The following COL27A1 variants were observed in gnomAD, a reference collection of about 807,000 sequenced individuals.
COL27A1 encodes the protein collagen type XXVII alpha 1 chain.
A neutral mutation model predicts 251.3 loss-of-function variants in COL27A1; 106 were observed. The observed-to-expected ratio is 0.42, with a 90% CI of 0.36 to 0.50. The LOEUF is 0.50. COL27A1 is among the 20% of genes least tolerant of loss of function. The pLI is 0.00. For synonymous variants in COL27A1, 1,000 were observed against 986.3 expected, an observed-to-expected ratio of 1.01 and a Z score of -0.26; for missense variants, 2,325 against 2,522.8, an observed-to-expected ratio of 0.92 and a Z score of 1.68.
chr9:114,301,122 C>T lies in COL27A1; in HGVS notation c.4752C>T (p.Leu1584=), dbSNP rs182652506. ...GPLGILGPSG[L]PGPKGDKGSR... is the part of the protein sequence containing the mutation. ...TCGGAATCCTGGGACCTTCGGGACT[C>T]CCGGTATGTGTGGGGATTGGACAGG... The change falls in exon 52 of 61, where the codon CTC becomes CTT. Residue 1584 remains leucine (L), a synonymous_variant. Coordinates refer to ENST00000356083, the MANE Select transcript of COL27A1 (RefSeq NM_032888.4). The T allele has an allele frequency of 6.2e-7, 1 of 1,613,688 alleles. No homozygotes were observed. The highest frequency in any genetic ancestry group is 1.7e-5 in the Admixed American group (1 of 59,972).
intron 40 of COL27A1, among the ~76,000 whole-genome samples, chr9:114,283,987 G>T (rs2131597457): frequency 6.6e-6 from 1 of 152,334 alleles, no homozygotes; most frequent in East Asian, 1.9e-4. Flanking sequence ...AGCGAAATGT[G>T]CCACCCCAAG....
rs1004257922 is a variant in COL27A1 at position 114,205,089 on chromosome 9, C to T, written c.2125-13C>T. 6.2e-7 allele frequency: 1 copy of T among 1,613,274 alleles called. No individual in the cohort carries two copies. The highest frequency in any genetic ancestry group is 1.3e-5 in the African/African-American group (1 of 74,934). Reference sequence around the variant, plus strand: ...TCCTCCCTGCCTGATGCAGCTTCTTCCCCCTCCAACAGGGACACAAGGGCT... The same window carrying T: ...TCCTCCCTGCCTGATGCAGCTTCTTTCCCCTCCAACAGGGACACAAGGGCT... On this transcript the variant is annotated splice_polypyrimidine_tract_variant and intron_variant, in intron 7 of 60. Transcript: ENST00000356083.
chr9:114,181,822 C>A (rs1310653849), intron 4 of COL27A1, among the ~76,000 whole-genome samples: 1 of 152,216 alleles, frequency 6.6e-6, no homozygotes, highest in Non-Finnish European at 1.5e-5. Context: ...GGACCCTGAT[C>A]TCACTTGGCC....
rs142319396 is a variant in COL27A1, at chr9:114,201,298, C to T, written c.2125-3804C>T. Reference sequence around the variant, plus strand: ...TCACTGCCCACGGGCCCACTTCTTGCGGTCAGCACCCGCCCCATAATTGGC... The same window carrying T: ...TCACTGCCCACGGGCCCACTTCTTGTGGTCAGCACCCGCCCCATAATTGGC... On this transcript the variant is annotated intron_variant, in intron 7 of 60. Coordinates refer to ENST00000356083, the MANE Select transcript of COL27A1 (RefSeq NM_032888.4). 3.9e-4 allele frequency among the ~76,000 whole-genome samples: 60 copies of T among 152,340 alleles called. No homozygotes were observed. In the East Asian group the frequency reaches 0.01, roughly 26 times the overall value.
chr9:114,199,781 C>T (rs762671261), intron 7 of COL27A1, among the ~76,000 whole-genome samples: 15 of 152,180 alleles, frequency 9.9e-5, no homozygotes, highest in South Asian at 2.1e-4. Context: ...TTGTTTCCCA[C>T]GTGGGGCTTA....
At chr9:114,298,134 TAAAAA>T (rs35546102) in intron 49 of COL27A1, among the ~76,000 whole-genome samples, 1 of 141,110 alleles carries the variant, frequency 7.1e-6, no homozygotes, top group East Asian at 2.0e-4. Flanking sequence ...GACCCCATCT[TAAAAA>T]AAAAAAAAAA....
At chr9:114,208,598 A>G (rs1157962831) in intron 10 of COL27A1, among the ~76,000 whole-genome samples, 1 of 152,224 alleles carries the variant, frequency 6.6e-6, no homozygotes, top group Non-Finnish European at 1.5e-5. Context: ...TGTTAGAGTT[A>G]TTATTAAATC....
intron 16 of COL27A1, among the ~76,000 whole-genome samples, chr9:114,233,567 C>T (rs111942139): frequency 9.3e-4 from 142 of 152,290 alleles, no homozygotes; most frequent in African/African-American, 3.2e-3. Context: ...CATCAGCGCT[C>T]TGGAAATGTT....
intron 3 of COL27A1, among the ~76,000 whole-genome samples, chr9:114,174,099 T>C (rs1849523104): frequency 6.6e-6 from 1 of 152,044 alleles, no homozygotes; most frequent in African/African-American, 2.4e-5. Flanking sequence ...TGCCTCAGCC[T>C]CCTAAGTACC....
rs563362212 is a variant in COL27A1, at chr9:114,208,099, C to T, written c.2269-1576C>T. On this transcript the variant is annotated intron_variant, in intron 10 of 60. Coordinates refer to ENST00000356083, the MANE Select transcript of COL27A1 (RefSeq NM_032888.4). ...TTGGTCCTAGGCAAGTTGCTTCACC[C>T]CTCTGGGCCTAAATGGTCTTACCTC... Among the ~76,000 whole-genome samples, 3 of 152,266 alleles carry T rather than the reference C, an allele frequency of 2.0e-5. No homozygotes were observed. The East Asian group carries it at 5.8e-4, about 29-fold the overall frequency.
At chr9:114,297,028 TC>T (rs1375783073) in intron 49 of COL27A1, among the ~76,000 whole-genome samples, 1 of 152,054 alleles carries the variant, frequency 6.6e-6, no homozygotes, top group Admixed American at 6.6e-5. Flanking sequence ...AGAAGATAGA[TC>T]AATGGCTCCT....
At chr9:114,221,894 A>C (rs1458627428) in intron 13 of COL27A1, among the ~76,000 whole-genome samples, 1 of 152,244 alleles carries the variant, frequency 6.6e-6, no homozygotes, top group African/African-American at 2.4e-5. Flanking sequence ...TCCTGTCTGT[A>C]AAATGAGCGT....
rs765827451 is a variant in COL27A1, at chr9:114,306,512, C to T, written c.4939-8C>T. On this transcript the variant is annotated splice_polypyrimidine_tract_variant and splice_region_variant and intron_variant, in intron 57 of 60. Transcript: ENST00000356083. ...AAGGTCCCAATGACCACCCTCTCCT[C>T]GTGACAGAGTTACAGCTATCCAGAC... The T allele has an allele frequency of 8.1e-6, 13 of 1,613,528 alleles. No individual in the cohort carries two copies. Among genetic ancestry groups the T allele is most frequent in the East Asian group, 4.5e-5 (2 of 44,878 alleles).
At chr9:114,226,447 C>T (rs909527173) in intron 14 of COL27A1, among the ~76,000 whole-genome samples, 7 of 152,182 alleles carry the variant, frequency 4.6e-5, no homozygotes, top group Non-Finnish European at 2.9e-5. Context: ...AGCACCTGCC[C>T]AAGGTCACAC....
At chr9:114,169,618 C>G (rs1200541400) in intron 3 of COL27A1, among the ~76,000 whole-genome samples, 155 bp downstream of exon 3, 1 of 152,232 alleles carries the variant, frequency 6.6e-6, no homozygotes, top group East Asian at 1.9e-4. Context: ...GCCCCCGGCT[C>G]CTCTGGCTCT....
At chr9:114,181,617 C>T (rs1456169187) in intron 4 of COL27A1, among the ~76,000 whole-genome samples, 2 of 152,162 alleles carry the variant, frequency 1.3e-5, no homozygotes, top group East Asian at 3.8e-4. Context: ...CAGATTATTC[C>T]TGCTAGACAA....
intron 8 of COL27A1, 30 bp downstream of exon 8, chr9:114,205,176 G>A: frequency 1.2e-6 from 2 of 1,606,130 alleles, no homozygotes; most frequent in Non-Finnish European, 1.7e-6. Context: ...CCCTGCCCTG[G>A]TCGCTCTCCC....
At chr9:114,267,008 C>T (rs879756658) in intron 33 of COL27A1, among the ~76,000 whole-genome samples, 10 of 152,148 alleles carry the variant, frequency 6.6e-5, no homozygotes, top group Non-Finnish European at 1.5e-4. Context: ...TTGGAAGGAG[C>T]CTCGCACACC....
chr9:114,225,616 C>T (rs1328507287), intron 14 of COL27A1, among the ~76,000 whole-genome samples: 2 of 152,196 alleles, frequency 1.3e-5, no homozygotes, highest in Non-Finnish European at 2.9e-5. Context: ...AATTTTCTAA[C>T]CAGAAGTTAA....
Sources: gnomAD v4.1 joint callset for allele counts (sites outside exome capture counted in the v4.1 genomes callset) on GRCh38, gnomAD v4.1.1 for gene constraint, MANE v1.5 for transcripts, NCBI Gene and HGNC (gene_info 2026-07-23, HGNC 2026-07-21) for gene names.